Variants in MED12L observed in about 807,000 individuals in gnomAD.
MED12L encodes mediator of RNA polymerase II transcription subunit 12-like protein.
MED12L carries 60 observed loss-of-function variants against 281.3 expected under a neutral mutation model. That is an observed-to-expected ratio of 0.21 (90% CI 0.17 to 0.26). The LOEUF (loss-of-function observed/expected upper bound fraction) is 0.26, where lower values mean the gene tolerates loss of function less well. MED12L is among the 10% of genes least tolerant of loss of function. The pLI, the probability that MED12L is intolerant of heterozygous loss-of-function variation, is 1.00. For missense variants in MED12L, 2,146 were observed against 2,680.9 expected, an observed-to-expected ratio of 0.80 and a Z score of 4.41; for synonymous variants, 974 against 987.2, an observed-to-expected ratio of 0.99 and a Z score of 0.25.
chr3:151,283,261 T>A (rs898518865), intron 16 of MED12L, among the ~76,000 whole-genome samples: 2 of 152,246 alleles, frequency 1.3e-5, no homozygotes, highest in Non-Finnish European at 2.9e-5. Flanking sequence ...TCCCAATTAG[T>A]TGAAGTGTGC....
chr3:151,254,740 G>A (rs1737505290), intron 16 of MED12L, among the ~76,000 whole-genome samples: 1 of 152,202 alleles, frequency 6.6e-6, no homozygotes, highest in Non-Finnish European at 1.5e-5. Context: ...GGAGATTCGT[G>A]TTGACAAATG....
At chr3:151,369,347 C>A in intron 25 of MED12L, 89 bp from the exon 26 acceptor site, 2 of 851,948 alleles carry the variant, frequency 2.3e-6, no homozygotes, top group Non-Finnish European at 1.8e-6. Context: ...CACCCACAGT[C>A]TAACAATGAA....
At chr3:151,416,892 C>T (rs562187852) in intron 43 of MED12L, among the ~76,000 whole-genome samples, 1 of 152,276 alleles carries the variant, frequency 6.6e-6, no homozygotes, top group Non-Finnish European at 1.5e-5. Flanking sequence ...AACTCACAGT[C>T]GGATAGTTCA....
chr3:151,271,017 C>CAA (rs56917310), intron 16 of MED12L, among the ~76,000 whole-genome samples: 7 of 144,042 alleles, frequency 4.9e-5, no homozygotes, highest in African/African-American at 1.8e-4. Flanking sequence ...ACCCAAAAAC[C>CAA]AAAAAAAAAA....
In MED12L at chr3:151,141,212, C is replaced by T. The variant is rs577963940; in HGVS notation, c.556+13228C>T. On this transcript the variant is annotated intron_variant, in intron 5 of 44. Coordinates refer to ENST00000687756, the MANE Select transcript of MED12L (RefSeq NM_001393769.1). ...GTTTTTTTTTTTTTGTTAGTAGAGACGGGGTTTCACTGTGTTGGCCAGGCT... is the reference window on the plus strand; with the variant it reads ...GTTTTTTTTTTTTTGTTAGTAGAGATGGGGTTTCACTGTGTTGGCCAGGCT... Among the ~76,000 whole-genome samples, 52 of 70,612 alleles carry T rather than the reference C, an allele frequency of 7.4e-4. No homozygotes were observed. The South Asian group carries it at 0.012, about 17-fold the overall frequency. The allele number at this position is 70,612 out of a possible 152,430, so 46.3% of individuals were successfully genotyped here. A position where few individuals can be genotyped will look rare whatever the true frequency, so the allele number is the denominator to read the frequency against.
chr3:151,165,309 A>G (rs1037344393), intron 9 of MED12L, 111 bp from the exon 10 acceptor site: 10 of 614,014 alleles, frequency 1.6e-5, no homozygotes, highest in Non-Finnish European at 2.7e-5. Flanking sequence ...CAATGCAGTC[A>G]AGATTGTAGT....
intron 12 of MED12L, 72 bp downstream of exon 12, chr3:151,185,533 T>A (rs982242577): frequency 6.6e-7 from 1 of 1,514,656 alleles, no homozygotes; most frequent in African/African-American, 1.4e-5. Context: ...GATCATTTTC[T>A]CTTACCCTCA....
chr3:151,296,510 G>A (rs1439418858), intron 16 of MED12L, among the ~76,000 whole-genome samples: 1 of 152,038 alleles, frequency 6.6e-6, no homozygotes, highest in Non-Finnish European at 1.5e-5. Flanking sequence ...AAAGGACTTT[G>A]GCTGGAGGAG....
intron 5 of MED12L, among the ~76,000 whole-genome samples, chr3:151,143,596 C>T (rs866330484): frequency 2.6e-5 from 4 of 152,132 alleles, no homozygotes; most frequent in African/African-American, 4.8e-5. Flanking sequence ...GCTTGTCCTC[C>T]GTTTTTCTTT....
chr3:151,179,177 T>C (rs1722426560), intron 11 of MED12L, among the ~76,000 whole-genome samples: 1 of 152,046 alleles, frequency 6.6e-6, no homozygotes, highest in East Asian at 1.9e-4. Flanking sequence ...CCATCTCTAC[T>C]AAAAGTACAA....
At chr3:151,191,641 T>C (rs1723995534) in intron 14 of MED12L, among the ~76,000 whole-genome samples, 1 of 152,210 alleles carries the variant, frequency 6.6e-6, no homozygotes, top group Non-Finnish European at 1.5e-5. Context: ...GCACGGTGGC[T>C]GATGCCTGTA....
chr3:151,134,188 GTTTT>G (rs3069372), intron 5 of MED12L, among the ~76,000 whole-genome samples: 2 of 129,286 alleles, frequency 1.5e-5, no homozygotes, highest in African/African-American at 5.6e-5. Context: ...TTGTGGGGTT[GTTTT>G]TTTTTTTTTT....
chr3:151,119,684 G>A (rs556675490), intron 3 of MED12L, among the ~76,000 whole-genome samples: 1 of 152,104 alleles, frequency 6.6e-6, no homozygotes, highest in African/African-American at 2.4e-5. Context: ...AAATTGTTCA[G>A]TTGTATAAAG....
At chr3:151,364,736 C>G (rs180962434) in intron 21 of MED12L, among the ~76,000 whole-genome samples, 160 of 152,092 alleles carry the variant, frequency 1.1e-3, no homozygotes, top group African/African-American at 3.8e-3. Context: ...AGATTTATAA[C>G]CAAATACTTC....
chr3:151,151,238 C>T (rs1048794619), intron 5 of MED12L, among the ~76,000 whole-genome samples: 4 of 151,518 alleles, frequency 2.6e-5, no homozygotes, highest in Non-Finnish European at 5.9e-5. Context: ...GGTGTTTCAC[C>T]GTGTTAGCCA....
intron 2 of MED12L, among the ~76,000 whole-genome samples, chr3:151,101,525 A>C (rs1419168597): frequency 6.6e-6 from 1 of 152,100 alleles, no homozygotes; most frequent in African/African-American, 2.4e-5. Flanking sequence ...GAGTTCAGAA[A>C]AGAGAGGGCT....
At chr3:151,317,466 T>TTTTTG (rs1560020922) in intron 16 of MED12L, among the ~76,000 whole-genome samples, 1 of 131,548 alleles carries the variant, frequency 7.6e-6, no homozygotes, top group Non-Finnish European at 1.5e-5. Flanking sequence ...TTTTTTTTTT[T>TTTTTG]GTGAGACGGA....
At position 151,372,698 on chromosome 3, in the gene MED12L, A is replaced by G. The variant is rs1314901486; in HGVS notation, c.3796A>G (p.Ser1266Gly). Residue 1266 changes from serine (S) to glycine (G), a missense_variant, in exon 27 of 45, where the codon AGC becomes GGC. This residue lies in a region of MED12L where 235 missense variants were observed against 260.3 expected (regional missense o/e 0.90). Coordinates refer to ENST00000687756, the MANE Select transcript of MED12L (RefSeq NM_001393769.1). ...ASQNPKSCGK[S>G]ISIETANLRE... Reference sequence around the variant, plus strand: ...ACAAAATCCAAAATCCTGTGGGAAAAGCATTTCCATAGAAACTGCCAATTT... The same window carrying G: ...ACAAAATCCAAAATCCTGTGGGAAAGGCATTTCCATAGAAACTGCCAATTT... 3 of 1,613,980 alleles carry G rather than the reference A, an allele frequency of 1.9e-6. No individual in the cohort carries two copies. The highest frequency in any genetic ancestry group is 1.7e-6 in the Non-Finnish European group (2 of 1,179,870).
intron 44 of MED12L, among the ~76,000 whole-genome samples, chr3:151,430,936 TTTTTGTTTTG>T (rs144035864): frequency 1.3e-5 from 2 of 151,134 alleles, no homozygotes; most frequent in African/African-American, 4.9e-5. Context: ...TGGTGTGGTG[TTTTTGTTTTG>T]TTTTGTTTTG....
Sources: allele counts gnomAD v4.1 joint callset (sites outside exome capture counted in the v4.1 genomes callset), GRCh38; gene constraint gnomAD v4.1.1; regional missense constraint gnomAD v4.1.1; transcripts MANE v1.5; gene names NCBI Gene and HGNC (gene_info 2026-07-23, HGNC 2026-07-21).